Variants in LIPG observed in about 807,000 individuals in gnomAD.
LIPG encodes endothelial lipase.
LIPG carries 34 observed loss-of-function variants against 51.8 expected under a neutral mutation model. The ratio of observed to expected loss-of-function variants is 0.66; its 90% CI spans 0.50 to 0.87. LIPG has a LOEUF of 0.87. Ranked by LOEUF, LIPG falls within the 40% of genes least tolerant of loss-of-function variation. The probability of loss-of-function intolerance (pLI) is 0.00; values close to 1 mark genes in which losing one functional copy is unlikely to be tolerated. For missense variants in LIPG, 580 were observed against 652.7 expected, an observed-to-expected ratio of 0.89 and a Z score of 1.21; for synonymous variants, 246 against 246.1, an observed-to-expected ratio of 1.00 and a Z score of 0.00.
rs750674664 is a variant in LIPG at position 49,565,354 on chromosome 18, C to G, written c.135C>G (p.Val45=). The G allele has an allele frequency of 6.2e-7, 1 of 1,614,012 alleles. No individual in the cohort carries two copies. The highest frequency in any genetic ancestry group is 8.5e-7 in the Non-Finnish European group (1 of 1,180,016). Residue 45 remains valine (V), a synonymous_variant, in exon 2 of 10, where the codon GTC becomes GTG. Transcript: ENST00000261292. ...LHKPKATQTE[V]KPSVRFNLRT... is the part of the protein sequence containing the mutation. ...AACCCAAAGCTACACAGACTGAGGTCAAACCATCTGTGAGGTTTAACCTCC... is the reference window on the plus strand; with the variant it reads ...AACCCAAAGCTACACAGACTGAGGTGAAACCATCTGTGAGGTTTAACCTCC...
chr18:49,576,825 C>T (rs1294705229), intron 5 of LIPG, among the ~76,000 whole-genome samples: 2 of 152,206 alleles, frequency 1.3e-5, no homozygotes, highest in Non-Finnish European at 1.5e-5. Context: ...CAGCTTACTA[C>T]AGCCTTGAAC....
chr18:49,573,235 G>C (rs2084681196), intron 4 of LIPG, among the ~76,000 whole-genome samples: 1 of 152,222 alleles, frequency 6.6e-6, no homozygotes, highest in Non-Finnish European at 1.5e-5. Flanking sequence ...CTTTCCTCCA[G>C]GGGACATGGT....
rs202204825 is a variant in LIPG, at chr18:49,565,424, G to A, written c.205G>A (p.Gly69Ser). 22 of 1,614,200 alleles carry A rather than the reference G, an allele frequency of 1.4e-5. No homozygotes were observed. The highest frequency in any genetic ancestry group is 1.2e-4 in the African/African-American group (9 of 75,052). ...PEHEGCYLSV[G>S]HSQPLEDCSF... The stretch of plus-strand genomic sequence containing the variant: ...GCATGAAGGATGCTACCTCTCCGTC[G>A]GCCACAGCCAGCCCTTAGAAGACTG... The change falls in exon 2 of 10, where the codon GGC becomes AGC. Residue 69 changes from glycine to serine, a missense_variant. Physicochemically the swap from Gly to Ser is moderately conservative, Grantham distance 56 (BLOSUM62 0). Transcript: ENST00000261292.
chr18:49,570,760 TA>T (rs2091009160), intron 4 of LIPG, among the ~76,000 whole-genome samples: 1 of 151,874 alleles, frequency 6.6e-6, no homozygotes, highest in Non-Finnish European at 1.5e-5. Context: ...ACCAAGGAGG[TA>T]GAGGTTGCAG....
rs777932618 is a variant in LIPG at position 49,569,531 on chromosome 18, C to A, written c.554C>A (p.Thr185Lys). The A allele has an allele frequency of 1.2e-6, 2 of 1,613,742 alleles. No homozygotes were observed. The highest frequency in any genetic ancestry group is 1.7e-6 in the Non-Finnish European group (2 of 1,179,826). Residue 185 changes from threonine (T) to lysine (K), a missense_variant, in exon 4 of 10, where the codon ACG becomes AAG. By Grantham distance (78) the Thr-to-Lys change is moderately conservative (BLOSUM62 -1). Coordinates refer to ENST00000261292, the MANE Select transcript of LIPG (RefSeq NM_006033.4). ...TATGCAGGCAACTTCGTGAAAGGAA[C>A]GGTGGGCCGAATCACAGGTGAGCTC... ...AGYAGNFVKG[T>K]VGRITGLDPA...
At chr18:49,578,343 C>T (rs201912891) in intron 5 of LIPG, among the ~76,000 whole-genome samples, 11 of 133,040 alleles carry the variant, frequency 8.3e-5, no homozygotes, top group African/African-American at 2.0e-4. Flanking sequence ...ACCTCCCAGA[C>T]GGGGTCTCGG....
chr18:49,585,187 G>A (rs1258243413), intron 8 of LIPG, among the ~76,000 whole-genome samples: 1 of 152,184 alleles, frequency 6.6e-6, no homozygotes, highest in Admixed American at 6.5e-5. Flanking sequence ...TCAGCCTTCT[G>A]AGTAACTGGG....
At position 49,575,530 on chromosome 18, in the gene LIPG, G is replaced by C. The variant is rs1050441267; in HGVS notation, c.733G>C (p.Gly245Arg). 11 of 1,614,052 alleles carry C rather than the reference G, an allele frequency of 6.8e-6. No homozygotes were observed. Among genetic ancestry groups the C allele is most frequent in the Non-Finnish European group, 8.5e-6 (10 of 1,180,036 alleles). Residue 245 changes from glycine to arginine, a missense_variant, in exon 5 of 10, where the codon GGG becomes CGG. Coordinates refer to ENST00000261292, the MANE Select transcript of LIPG (RefSeq NM_006033.4). ...GGGCCACATTGACATCTACCCCAAT[G>C]GGGGTGACTTCCAGCCAGGCTGTGG... ...PVGHIDIYPN[G>R]GDFQPGCGLN...
At chr18:49,562,914 G>T (rs944353325) in intron 1 of LIPG, among the ~76,000 whole-genome samples, 1 of 152,176 alleles carries the variant, frequency 6.6e-6, no homozygotes, top group African/African-American at 2.4e-5. Context: ...CTTAGAAGCT[G>T]CCGGGCCTAT....
chr18:49,575,896 T>A (rs1356433952), intron 5 of LIPG, among the ~76,000 whole-genome samples: 1 of 151,388 alleles, frequency 6.6e-6, no homozygotes, highest in Non-Finnish European at 1.5e-5. Flanking sequence ...TAGAGTGCAA[T>A]GGTGCAATCT....
chr18:49,569,005 C>T (rs540812439), intron 3 of LIPG, among the ~76,000 whole-genome samples: 3 of 152,244 alleles, frequency 2.0e-5, no homozygotes, highest in South Asian at 2.1e-4. Context: ...GTTGGCAGCT[C>T]CTGGGGCTGG....
At chr18:49,571,360 A>C (rs1266273945) in intron 4 of LIPG, among the ~76,000 whole-genome samples, 5 of 152,198 alleles carry the variant, frequency 3.3e-5, no homozygotes, top group Admixed American at 2.6e-4. Flanking sequence ...TCTAAATCTG[A>C]AATGAGATGG....
In LIPG at chr18:49,562,149, C is replaced by A. The variant is rs1380014163; in HGVS notation, c.-160C>A. On this transcript the variant is annotated 5_prime_UTR_variant, in exon 1 of 10. Transcript: ENST00000261292. ...CACTCGCTCCCTGCCACCGCCCGGG[C>A]TCCGTGCCGCCAAGTTTTCATTTTC... 4.7e-6 allele frequency: 7 copies of A among 1,475,480 alleles called. No homozygotes were observed. The African/African-American group carries it at 7.0e-5, about 15-fold the overall frequency. 91.4% of individuals were successfully genotyped at this position (1,475,480 alleles called of 1,614,324 possible).
intron 1 of LIPG, among the ~76,000 whole-genome samples, chr18:49,564,699 T>C (rs1212423788): frequency 6.6e-6 from 1 of 152,210 alleles, no homozygotes; most frequent in Non-Finnish European, 1.5e-5. Context: ...AAAATGTGTT[T>C]GGTAACTTGT....
rs747202939 is a variant in LIPG at position 49,562,291 on chromosome 18, G to C, written c.-18G>C. On this transcript the variant is annotated 5_prime_UTR_variant, in exon 1 of 10. Transcript: ENST00000261292. ...TTTTAAAACTTCTGTTTCTTGGGAG[G>C]GGGTGTGGCGGGGCAGGATGAGCAA... The C allele has an allele frequency of 3.7e-6, 6 of 1,608,806 alleles. No individual in the cohort carries two copies. In the African/African-American group the frequency reaches 4.0e-5, roughly 11 times the overall value.
Position 49,588,994 on chromosome 18 carries a change from C to T in LIPG, c.1482-1507C>T, listed in dbSNP as rs116417482. ...TTAGCCCTGTGTACAGATGAGGAAC[C>T]GAGGCTCAGGGAGATGAAGTTTCTC... is the stretch of plus-strand genomic sequence containing the variant. On this transcript the variant is annotated intron_variant, in intron 9 of 9. Transcript: ENST00000261292. 6.0e-3 allele frequency among the ~76,000 whole-genome samples: 920 copies of T among 152,166 alleles called. 7 individuals are homozygous for T. Among genetic ancestry groups the T allele is most frequent in the African/African-American group, 0.021 (855 of 41,494 alleles).
At chr18:49,562,789 T>C (rs111523807) in intron 1 of LIPG, among the ~76,000 whole-genome samples, 132 of 152,334 alleles carry the variant, frequency 8.7e-4, no homozygotes, top group African/African-American at 3.0e-3. Context: ...GTCAGAGCTG[T>C]GTCTCCTGGA....
chr18:49,581,241 T>C (rs1322555996), intron 5 of LIPG, among the ~76,000 whole-genome samples, 174 bp from the exon 6 acceptor site: 2 of 152,148 alleles, frequency 1.3e-5, no homozygotes, highest in African/African-American at 4.8e-5. Flanking sequence ...CACTCTAACC[T>C]GGGCAAGAGT....
At chr18:49,586,650 A>G in intron 8 of LIPG, 96 bp from the exon 9 acceptor site, 1 of 855,408 alleles carries the variant, frequency 1.2e-6, no homozygotes, top group Non-Finnish European at 2.0e-6. Flanking sequence ...TGAAAATTTC[A>G]CCCCTGCCTC....
Sources: gnomAD v4.1 joint callset for allele counts (sites outside exome capture counted in the v4.1 genomes callset) on GRCh38, gnomAD v4.1.1 for gene constraint, MANE v1.5 for transcripts, NCBI Gene and HGNC (gene_info 2026-07-23, HGNC 2026-07-21) for gene names.